The following OPA1 variants were observed in gnomAD, a reference collection of about 807,000 sequenced individuals.
The protein encoded by OPA1 is dynamin-like GTPase OPA1, mitochondrial.
In OPA1, 59 loss-of-function variants were observed where a neutral mutation model predicts 152.9. That is an observed-to-expected ratio of 0.39 (90% CI 0.31 to 0.48). The LOEUF (loss-of-function observed/expected upper bound fraction) is 0.48. OPA1 is among the 20% of genes least tolerant of loss of function. The pLI, the probability that OPA1 is intolerant of heterozygous loss-of-function variation, is 0.96. For missense variants in OPA1, 1,008 were observed against 1,216.8 expected, an observed-to-expected ratio of 0.83 and a Z score of 2.55; for synonymous variants, 400 against 389.9, an observed-to-expected ratio of 1.03 and a Z score of -0.31.
At chr3:193,615,485 C>G (rs1029968161) in intron 2 of OPA1, among the ~76,000 whole-genome samples, 189 bp from the exon 3 acceptor site, 1 of 152,174 alleles carries the variant, frequency 6.6e-6, no homozygotes, top group Non-Finnish European at 1.5e-5. Flanking sequence ...TTACATTTTC[C>G]ATATTTAACA....
At chr3:193,611,173 G>A (rs190871989) in intron 1 of OPA1, among the ~76,000 whole-genome samples, 4 of 152,292 alleles carry the variant, frequency 2.6e-5, no homozygotes, top group African/African-American at 7.2e-5. Context: ...TGGCCATCTT[G>A]GAACCGCCCG....
In OPA1 at chr3:193,665,012, A is replaced by G; in HGVS notation, c.2778+16A>G. On this transcript the variant is annotated intron_variant, in intron 27 of 30. Transcript: ENST00000361510. ...AGATTCTGAGGTAAGGTTTCCAAAA[A>G]CAAAGAGAAGTATTTTTAAGCAACA... is the stretch of plus-strand genomic sequence containing the variant. 7.5e-7 allele frequency: 1 copy of G among 1,341,572 alleles called. No homozygotes were observed. Among genetic ancestry groups the G allele is most frequent in the South Asian group, 1.2e-5 (1 of 84,940 alleles). The allele number at this position is 1,341,572 out of a possible 1,614,324, so 83.1% of individuals were successfully genotyped here.
intron 22 of OPA1, 32 bp from the exon 23 acceptor site, chr3:193,657,048 A>G: frequency 6.3e-7 from 1 of 1,590,936 alleles, no homozygotes. Context: ...ATGTAGTAAT[A>G]ATATGGCTTT....
In OPA1 at chr3:193,654,976, T is replaced by C; in HGVS notation, c.2127T>C (p.Asp709=). Reference sequence around the variant, plus strand: ...CAGGAACTTTTAACACCACAGTGGATATCAAGCTTAAACAGTGGACTGATA... The same window carrying C: ...CAGGAACTTTTAACACCACAGTGGACATCAAGCTTAAACAGTGGACTGATA... ...MNSGTFNTTV[D]IKLKQWTDKQ... is the part of the protein sequence containing the mutation. Residue 709 remains aspartate, a synonymous_variant, in exon 22 of 31, where the codon GAT becomes GAC. Transcript: ENST00000361510. 2 of 1,613,992 alleles carry C rather than the reference T, an allele frequency of 1.2e-6. No individual in the cohort carries two copies. Among genetic ancestry groups the C allele is most frequent in the Non-Finnish European group, 1.7e-6 (2 of 1,179,932 alleles).
intron 22 of OPA1, among the ~76,000 whole-genome samples, chr3:193,656,267 A>T (rs1015077987): frequency 3.9e-5 from 6 of 152,154 alleles, no homozygotes; most frequent in African/African-American, 1.4e-4. Flanking sequence ...TGTCATGGAA[A>T]GAATGTAGAT....
intron 1 of OPA1, among the ~76,000 whole-genome samples, chr3:193,602,146 G>C (rs1410038668): frequency 6.6e-6 from 1 of 152,196 alleles, no homozygotes; most frequent in Non-Finnish European, 1.5e-5. Flanking sequence ...CCAGGATGCT[G>C]TCTGCTTCTG....
At chr3:193,597,622 C>T (rs1404536597) in intron 1 of OPA1, among the ~76,000 whole-genome samples, 1 of 141,354 alleles carries the variant, frequency 7.1e-6, no homozygotes, top group Non-Finnish European at 1.5e-5. Context: ...GCCCCAGAGG[C>T]GGAGGTTGCA....
chr3:193,654,097 G>T (rs1713201861), intron 21 of OPA1, among the ~76,000 whole-genome samples: 1 of 152,210 alleles, frequency 6.6e-6, no homozygotes, highest in Non-Finnish European at 1.5e-5. Flanking sequence ...AATTCTCATA[G>T]CAGCTTTATT....
intron 10 of OPA1, 107 bp downstream of exon 10, chr3:193,637,388 G>C (rs1234640439): frequency 1.7e-6 from 1 of 592,134 alleles, no homozygotes; most frequent in Non-Finnish European, 3.0e-6. Flanking sequence ...ATACATACTA[G>C]ATGTAGGCAT....
At chr3:193,674,817 T>A (rs1015798749) in intron 29 of OPA1, among the ~76,000 whole-genome samples, 1 of 152,084 alleles carries the variant, frequency 6.6e-6, no homozygotes. Context: ...GATGGAAATT[T>A]TCCTAGAAAG....
intron 1 of OPA1, among the ~76,000 whole-genome samples, chr3:193,602,589 A>G (rs1227633435): frequency 6.6e-6 from 1 of 152,230 alleles, no homozygotes; most frequent in African/African-American, 2.4e-5. Context: ...TATGTTTTCC[A>G]ACAGGATTGA....
chr3:193,593,996 G>C (rs570177617), intron 1 of OPA1, among the ~76,000 whole-genome samples: 31 of 152,108 alleles, frequency 2.0e-4, no homozygotes, highest in Non-Finnish European at 3.8e-4. Flanking sequence ...TTCAATAGCA[G>C]CTTTTTTCTG....
chr3:193,607,348 A>G (rs1274373433), intron 1 of OPA1, among the ~76,000 whole-genome samples: 1 of 152,232 alleles, frequency 6.6e-6, no homozygotes, highest in Non-Finnish European at 1.5e-5. Context: ...GGCCATGCCT[A>G]TGTCCTGAAT....
In OPA1 at chr3:193,659,539, G is replaced by T; in HGVS notation, c.2498G>T (p.Trp833Leu). Residue 833 changes from tryptophan to leucine, a missense_variant, in exon 25 of 31, where the codon TGG (tryptophan) becomes TTG (leucine). Physicochemically the swap from Trp to Leu is moderately conservative, Grantham distance 61. This residue lies in a region of OPA1 where 229 missense variants were observed against 269.0 expected (regional missense o/e 0.85). Coordinates refer to ENST00000361510, the MANE Select transcript of OPA1 (RefSeq NM_130837.3). ...GPDWKKRWLY[W>L]KNRTQEQCVH... Reference sequence around the variant, plus strand: ...GACTGGAAAAAGAGGTGGTTATACTGGAAGAATCGGACCCAAGAACAGGTA... The same window carrying T: ...GACTGGAAAAAGAGGTGGTTATACTTGAAGAATCGGACCCAAGAACAGGTA... 4 of 1,611,932 alleles carry T rather than the reference G, an allele frequency of 2.5e-6. No homozygotes were observed. Among genetic ancestry groups the T allele is most frequent in the Non-Finnish European group, 3.4e-6 (4 of 1,178,744 alleles).
intron 29 of OPA1, among the ~76,000 whole-genome samples, chr3:193,672,649 A>G (rs768081262): frequency 6.2e-4 from 95 of 152,228 alleles, no homozygotes; most frequent in Middle Eastern, 6.8e-3. Context: ...CGGGTGGATC[A>G]CCTGAGGTCA....
At chr3:193,654,736 CAT>C (rs1230988601) in intron 21 of OPA1, 124 bp from the exon 22 acceptor site, 14 of 942,136 alleles carry the variant, frequency 1.5e-5, no homozygotes, top group Middle Eastern at 2.9e-4. Context: ...GGTATATACA[CAT>C]GTGAAAACTT....
At chr3:193,668,292 A>G in intron 29 of OPA1, 1 of 1,522,908 alleles carries the variant, frequency 6.6e-7, no homozygotes, top group South Asian at 1.2e-5. Context: ...ACTTGAATGA[A>G]GATATGTCCT....
intron 16 of OPA1, 158 bp downstream of exon 16, chr3:193,644,263 GGT>G: frequency 1.2e-6 from 1 of 813,616 alleles, no homozygotes; most frequent in South Asian, 1.5e-5. Flanking sequence ...AAAAGGAAAT[GGT>G]ACATGGTATG....
intron 1 of OPA1, among the ~76,000 whole-genome samples, chr3:193,600,953 A>G (rs1189816640): frequency 3.3e-5 from 5 of 152,332 alleles, no homozygotes; most frequent in African/African-American, 1.2e-4. Flanking sequence ...TAGTAACAGA[A>G]TCAGGGGAGG....
Sources: gnomAD v4.1 joint callset for allele counts (sites outside exome capture counted in the v4.1 genomes callset) on GRCh38, gnomAD v4.1.1 for gene constraint, gnomAD v4.1.1 regional missense constraint, MANE v1.5 for transcripts, NCBI Gene and HGNC (gene_info 2026-07-23, HGNC 2026-07-21) for gene names.